The following METTL15 variants were observed in gnomAD, a reference collection of about 807,000 sequenced individuals.
The protein encoded by METTL15 is 12S rRNA N(4)-cytidine methyltransferase METTL15.
In METTL15, 34 loss-of-function variants were observed where a neutral mutation model predicts 38.3. That is an observed-to-expected ratio of 0.89 (90% CI 0.68 to 1.18). The LOEUF is 1.18. Ranked by LOEUF, METTL15 falls within the 50% of genes most tolerant of loss-of-function variation. The pLI is 0.00. For missense variants in METTL15, 438 were observed against 498.4 expected, an observed-to-expected ratio of 0.88 and a Z score of 1.15; for synonymous variants, 162 against 170.9, an observed-to-expected ratio of 0.95 and a Z score of 0.41.
chr11:28,461,952 T>G (rs2133455791), intron 6 of METTL15, among the ~76,000 whole-genome samples: 1 of 152,188 alleles, frequency 6.6e-6, no homozygotes, highest in African/African-American at 2.4e-5. Context: ...AAAAAAATCT[T>G]TATTCTCTGT....
rs1231352777 is a variant in METTL15 at position 28,143,873 on chromosome 11, C to T, written c.270+30269C>T. On this transcript the variant is annotated intron_variant, in intron 3 of 6. Coordinates refer to ENST00000407364, the MANE Select transcript of METTL15 (RefSeq NM_001113528.2). ...GCATAGAGGAGACTGATTAGGATCT[C>T]TTTTGACATCTGACTGGAACTTCTG... Among the ~76,000 whole-genome samples the T allele has an allele frequency of 2.0e-5, 3 of 152,178 alleles. No individual in the cohort carries two copies. In the East Asian group the frequency reaches 5.8e-4, roughly 29 times the overall value.
At chr11:28,130,558 A>G (rs1322730202) in intron 3 of METTL15, among the ~76,000 whole-genome samples, 1 of 152,170 alleles carries the variant, frequency 6.6e-6, no homozygotes, top group Non-Finnish European at 1.5e-5. Context: ...GAATATTTCA[A>G]ATTTCAGTTA....
In METTL15 at chr11:28,348,308, C is replaced by T. The variant is rs780540339; in HGVS notation, c.*190-3782C>T. 3.3e-5 allele frequency among the ~76,000 whole-genome samples: 5 copies of T among 152,248 alleles called. No individual in the cohort carries two copies. In the South Asian group the frequency reaches 8.3e-4, roughly 25 times the overall value. On this transcript the variant is annotated intron_variant and NMD_transcript_variant, in intron 3 of 7. Coordinates refer to the METTL15 transcript ENST00000532947. ...GTGAGTTTATAAAACAATATTCCTTCCACATTTATTGGAAGCTTTCTGCTG... is the reference window on the plus strand; with the variant it reads ...GTGAGTTTATAAAACAATATTCCTTTCACATTTATTGGAAGCTTTCTGCTG...
intron 3 of METTL15, among the ~76,000 whole-genome samples, chr11:28,207,512 A>C (rs1415416714): frequency 1.3e-5 from 2 of 152,124 alleles, no homozygotes; most frequent in African/African-American, 4.8e-5. Flanking sequence ...TGGGCTTGCC[A>C]GTATTTTATT....
chr11:28,230,945 C>T (rs922391575), intron 4 of METTL15, among the ~76,000 whole-genome samples: 3 of 151,872 alleles, frequency 2.0e-5, no homozygotes, highest in Admixed American at 2.0e-4. Context: ...AGATAAAGCT[C>T]ATTGTCTAAT....
intron 6 of METTL15, among the ~76,000 whole-genome samples, chr11:28,464,737 A>G (rs1851242951): frequency 6.6e-6 from 1 of 152,188 alleles, no homozygotes; most frequent in South Asian, 2.1e-4. Context: ...TTTGGGGATC[A>G]GATTAAGTTC....
Position 28,145,637 on chromosome 11 carries a change from C to T in METTL15, c.270+32033C>T, listed in dbSNP as rs544218694. 4.6e-5 allele frequency: 7 copies of T among 152,028 alleles called. No individual in the cohort carries two copies. The South Asian group carries it at 8.3e-4, about 18-fold the overall frequency. 9.4% of individuals were successfully genotyped at this position (152,028 alleles called of 1,614,324 possible). On this transcript the variant is annotated intron_variant, in intron 3 of 6. Coordinates refer to ENST00000407364, the MANE Select transcript of METTL15 (RefSeq NM_001113528.2). ...TGCTCCTCATTTCTGTGGTCCTTTA[C>T]CCATTCTCCCAACCCAATGGCATTT...
At chr11:28,237,636 T>C (rs1404021230) in intron 4 of METTL15, among the ~76,000 whole-genome samples, 1 of 152,238 alleles carries the variant, frequency 6.6e-6, no homozygotes, top group Non-Finnish European at 1.5e-5. Context: ...TTTGTTCCGT[T>C]GCTGGTGAGG....
chr11:28,217,674 G>A (rs1852959802), intron 4 of METTL15, among the ~76,000 whole-genome samples: 1 of 152,106 alleles, frequency 6.6e-6, no homozygotes, highest in African/African-American at 2.4e-5. Context: ...TTTTCTTCTA[G>A]GGTTTTTATG....
Position 28,385,415 on chromosome 11 carries a change from T to C in METTL15, c.*358+23379T>C, listed in dbSNP as rs1400641874. ...GAATAAGGAGTCTTTTTTCCACTGCTTGTTTTTTTCAGCTTTGTCAAAGAT... is the reference window on the plus strand; with the variant it reads ...GAATAAGGAGTCTTTTTTCCACTGCCTGTTTTTTTCAGCTTTGTCAAAGAT... On this transcript the variant is annotated intron_variant and NMD_transcript_variant, in intron 5 of 7. Coordinates refer to the METTL15 transcript ENST00000532947. Among the ~76,000 whole-genome samples, 4 of 152,186 alleles carry C rather than the reference T, an allele frequency of 2.6e-5. No individual in the cohort carries two copies. The South Asian group carries it at 6.2e-4, about 24-fold the overall frequency.
chr11:28,325,127 G>A (rs1479878165), intron 6 of METTL15, among the ~76,000 whole-genome samples: 1 of 152,116 alleles, frequency 6.6e-6, no homozygotes, highest in African/African-American at 2.4e-5. Context: ...TCTCTGGGTG[G>A]CTGCACCTGC....
At chr11:28,472,725 G>A (rs1281463086) in intron 6 of METTL15, among the ~76,000 whole-genome samples, 1 of 152,060 alleles carries the variant, frequency 6.6e-6, no homozygotes, top group African/African-American at 2.4e-5. Flanking sequence ...AGCCAAGAGG[G>A]TATTGCAGAT....
chr11:28,242,363 T>C (rs1225296420), intron 4 of METTL15, among the ~76,000 whole-genome samples: 1 of 152,200 alleles, frequency 6.6e-6, no homozygotes, highest in Non-Finnish European at 1.5e-5. Context: ...CAAAGTTTGT[T>C]TCTTGAATTA....
At chr11:28,122,088 T>C (rs1852264127) in intron 3 of METTL15, 5 of 1,116,200 alleles carry the variant, frequency 4.5e-6, no homozygotes, top group Non-Finnish European at 4.5e-6. Flanking sequence ...CTGTAATGTG[T>C]ATTAACTCCA....
At chr11:28,346,067 A>T (rs1849993296) in intron 3 of METTL15, among the ~76,000 whole-genome samples, 1 of 152,238 alleles carries the variant, frequency 6.6e-6, no homozygotes, top group South Asian at 2.1e-4. Flanking sequence ...TTAAAGACAC[A>T]TCTTTAGCAT....
At chr11:28,197,239 C>T (rs903042840) in intron 3 of METTL15, among the ~76,000 whole-genome samples, 1 of 151,592 alleles carries the variant, frequency 6.6e-6, no homozygotes, top group Non-Finnish European at 1.5e-5. Context: ...TCGAGAGTCT[C>T]CTTTTTAAAA....
chr11:28,378,579 G>A (rs368232878), intron 5 of METTL15, among the ~76,000 whole-genome samples: 6 of 152,082 alleles, frequency 3.9e-5, no homozygotes, highest in African/African-American at 1.2e-4. Context: ...GAGATGAACC[G>A]GGTACCTCAG....
In METTL15 at chr11:28,329,983, A is replaced by AT. The variant is rs375923391; in HGVS notation, c.779-405dup. ...GTAATGAATTTTCTTTTCTGTTGGC[A>AT]TTTTTTTTGTTGTTATCTTTGGCTG... On this transcript the variant is annotated intron_variant, in intron 6 of 6. Coordinates refer to ENST00000407364, the MANE Select transcript of METTL15 (RefSeq NM_001113528.2). Among the ~76,000 whole-genome samples the AT allele has an allele frequency of 1.6e-3, 237 of 151,492 alleles. 1 individual carries two copies. Among genetic ancestry groups the AT allele is most frequent in the African/African-American group, 5.6e-3 (232 of 41,304 alleles).
chr11:28,328,115 C>G, intron 6 of METTL15: 1 of 1,610,948 alleles, frequency 6.2e-7, no homozygotes, highest in Non-Finnish European at 8.5e-7. Flanking sequence ...AACATATTTC[C>G]CAGTGGCCCA....
Sources: allele counts gnomAD v4.1 joint callset (sites outside exome capture counted in the v4.1 genomes callset), GRCh38; gene constraint gnomAD v4.1.1; transcripts MANE v1.5; gene names NCBI Gene and HGNC (gene_info 2026-07-23, HGNC 2026-07-21).